Variants in FAM131C observed in about 807,000 individuals in gnomAD.
The protein encoded by FAM131C is family with sequence similarity 131 member C, also known as protein FAM131C.
In FAM131C, 14 loss-of-function variants were observed where a neutral mutation model predicts 29.8. The observed-to-expected ratio is 0.47, with a 90% CI of 0.31 to 0.73. The LOEUF is 0.73. Among genes scored for constraint, FAM131C ranks in the 30% least tolerant of loss-of-function variants. The probability of loss-of-function intolerance (pLI) is 0.05; values close to 1 mark genes in which losing one functional copy is unlikely to be tolerated. For missense variants in FAM131C, 252 were observed against 383.8 expected (o/e 0.66, Z 2.87); for synonymous variants, 86 against 157.8 (o/e 0.54, Z 3.41).
intron 1 of FAM131C, among the ~76,000 whole-genome samples, chr1:16,066,227 T>A (rs187550385): frequency 2.0e-5 from 3 of 152,352 alleles, no homozygotes; most frequent in Admixed American, 2.0e-4. Flanking sequence ...AGACTTAGTT[T>A]GCAGAAGAGA....
At position 16,073,464 on chromosome 1, in the gene FAM131C, C is replaced by A; in HGVS notation, c.-22G>T. 2 of 1,200,492 alleles carry A rather than the reference C, an allele frequency of 1.7e-6. No individual in the cohort carries two copies. The highest frequency in any genetic ancestry group is 8.3e-5 in the South Asian group (2 of 24,032). 74.4% of individuals were successfully genotyped at this position (1,200,492 alleles called of 1,614,324 possible). A position where few individuals can be genotyped will look rare whatever the true frequency, so the allele number is the denominator to read the frequency against. On this transcript the variant is annotated 5_prime_UTR_variant, in exon 1 of 7. Coordinates refer to ENST00000375662, the MANE Select transcript of FAM131C (RefSeq NM_182623.3). ...CCATCACGGGGCCGCGGGGCCGGGC[C>A]GCTGCGCCCGGGGTGCGTGGGGCCG... is the stretch of plus-strand genomic sequence containing the variant.
chr1:16,062,650 AG>A (rs1279958650), intron 2 of FAM131C, 116 bp from the exon 3 acceptor site: 1 of 1,443,110 alleles, frequency 6.9e-7, no homozygotes, highest in Admixed American at 2.6e-5. Flanking sequence ...GTGCTGTGTG[AG>A]GTTGGGGTCT....
chr1:16,069,525 A>T (rs1377476163), intron 1 of FAM131C, among the ~76,000 whole-genome samples: 1 of 152,184 alleles, frequency 6.6e-6, no homozygotes, highest in Admixed American at 6.5e-5. Context: ...GATACCCCCA[A>T]GGTGGGGCCA....
chr1:16,059,751 C>A (rs2023563784), intron 5 of FAM131C, 118 bp downstream of exon 5: 1 of 1,177,480 alleles, frequency 8.5e-7, no homozygotes, highest in Non-Finnish European at 1.2e-6. Context: ...TCACTTAATA[C>A]TCACCCACCC....
Position 16,062,233 on chromosome 1 carries a change from C to A in FAM131C, c.175-41G>T, listed in dbSNP as rs370221486. 372 of 1,588,284 alleles carry A rather than the reference C, an allele frequency of 2.3e-4. No individual in the cohort carries two copies. In the African/African-American group the frequency reaches 4.6e-3, roughly 19 times the overall value. ...GGAGGAGTGAGCAGGGTGGGCCAGG[C>A]TGCCGGCCGACATCCCTCCAGCACC... On this transcript the variant is annotated intron_variant, in intron 3 of 6. Transcript: ENST00000375662.
chr1:16,072,231 T>C (rs72887137), intron 1 of FAM131C, among the ~76,000 whole-genome samples: 1 of 152,162 alleles, frequency 6.6e-6, no homozygotes, highest in Admixed American at 6.5e-5. Flanking sequence ...ACCCTGTACC[T>C]TCCCCTTCCC....
chr1:16,072,476 C>A (rs2023762642), intron 1 of FAM131C, among the ~76,000 whole-genome samples: 1 of 152,134 alleles, frequency 6.6e-6, no homozygotes, highest in African/African-American at 2.4e-5. Flanking sequence ...GAACCAAGGC[C>A]AAAGCCACCC....
In FAM131C at chr1:16,059,551, G is replaced by T; in HGVS notation, c.505C>A (p.Leu169Met). ...TCGGGGTGCAGCTCCTCTTCGTCCAGCGAGGACCAAGCGCTCAGTGTGGCC... is the reference window on the plus strand; with the variant it reads ...TCGGGGTGCAGCTCCTCTTCGTCCATCGAGGACCAAGCGCTCAGTGTGGCC... Reference protein sequence around the residue: ...TEATLSAWSSLDEEELHPENS... With the variant: ...TEATLSAWSSMDEEELHPENS... Residue 169 changes from leucine to methionine, a missense_variant, in exon 6 of 7, where the codon CTG becomes ATG. Physicochemically the swap from Leu to Met is conservative, Grantham distance 15. Around this residue, in one of 6 missense-constraint regions of FAM131C, gnomAD observed 33 missense variants for 54.0 expected, o/e 0.61. Coordinates refer to ENST00000375662, the MANE Select transcript of FAM131C (RefSeq NM_182623.3). The T allele has an allele frequency of 6.2e-7, 1 of 1,607,604 alleles. No individual in the cohort carries two copies. The highest frequency in any genetic ancestry group is 8.5e-7 in the Non-Finnish European group (1 of 1,177,498).
chr1:16,073,515 C>G lies in FAM131C; in HGVS notation c.-73G>C. ...CGGGGCGTTCATGTCTCCGCGGGCC[C>G]GGGGCTGAGCGCTGCGGAGCCAGAG... On this transcript the variant is annotated 5_prime_UTR_variant, in exon 1 of 7. Coordinates refer to ENST00000375662, the MANE Select transcript of FAM131C (RefSeq NM_182623.3). 1.1e-6 allele frequency: 1 copy of G among 940,428 alleles called. No individual in the cohort carries two copies. The highest frequency in any genetic ancestry group is 1.4e-6 in the Non-Finnish European group (1 of 738,142). 58.3% of individuals were successfully genotyped at this position (940,428 alleles called of 1,614,324 possible). A position where few individuals can be genotyped will look rare whatever the true frequency, so the allele number is the denominator to read the frequency against.
At position 16,057,924 on chromosome 1, in the gene FAM131C, GAGAC is replaced by G. The variant is rs1430830534; in HGVS notation, c.*509_*512del. 1 of 158,194 alleles carries G rather than the reference GAGAC, an allele frequency of 6.3e-6. No individual in the cohort carries two copies. The highest frequency in any genetic ancestry group is 2.4e-5 in the African/African-American group (1 of 41,550). The allele number at this position is 158,194 out of a possible 1,614,324, so 9.8% of individuals were successfully genotyped here. Reference sequence around the variant, plus strand: ...GGGACAGACAGACAGACACTCCAGAGAGACAGATGTCCTGGGTGAAGAGAGCCGG... The same window carrying G: ...GGGACAGACAGACAGACACTCCAGAGAGATGTCCTGGGTGAAGAGAGCCGG... On this transcript the variant is annotated 3_prime_UTR_variant, in exon 7 of 7. Transcript: ENST00000375662.
intron 1 of FAM131C, among the ~76,000 whole-genome samples, chr1:16,072,259 C>T (rs764936681): frequency 6.6e-5 from 10 of 152,310 alleles, no homozygotes; most frequent in Admixed American, 2.6e-4. Context: ...GATTCCACCC[C>T]GATACCTCCC....
intron 1 of FAM131C, among the ~76,000 whole-genome samples, chr1:16,070,709 A>G (rs999405316): frequency 1.3e-5 from 2 of 152,216 alleles, no homozygotes; most frequent in Non-Finnish European, 2.9e-5. Flanking sequence ...TGTGTTGGGT[A>G]CTGGTCTGAA....
chr1:16,069,982 C>T (rs899249698), intron 1 of FAM131C, among the ~76,000 whole-genome samples: 1 of 152,096 alleles, frequency 6.6e-6, no homozygotes, highest in African/African-American at 2.4e-5. Context: ...ACAGGCTGGT[C>T]TTGAACTCGT....
intron 1 of FAM131C, among the ~76,000 whole-genome samples, chr1:16,069,583 G>A (rs1423830729): frequency 6.6e-6 from 1 of 152,220 alleles, no homozygotes; most frequent in Non-Finnish European, 1.5e-5. Flanking sequence ...CATGAGTGAG[G>A]AGGCAGAGTG....
At chr1:16,071,796 C>A (rs2023752859) in intron 1 of FAM131C, among the ~76,000 whole-genome samples, 2 of 152,206 alleles carry the variant, frequency 1.3e-5, no homozygotes, top group African/African-American at 2.4e-5. Context: ...TGGGCCCCAG[C>A]CTCTCAGGGT....
chr1:16,062,925 C>G (rs898263690), intron 2 of FAM131C, among the ~76,000 whole-genome samples: 4 of 152,138 alleles, frequency 2.6e-5, no homozygotes, highest in Non-Finnish European at 5.9e-5. Flanking sequence ...CTGAGAAGAG[C>G]TGAGTGCAGT....
intron 4 of FAM131C, among the ~76,000 whole-genome samples, chr1:16,060,974 AGTAGAGCTGTT>A (rs1557477848): frequency 6.6e-6 from 1 of 151,456 alleles, no homozygotes; most frequent in Non-Finnish European, 1.5e-5. Context: ...GGGCTTTGGG[AGTAGAGCTGTT>A]GTATGCGGAA....
At chr1:16,065,688 C>T (rs1291627178) in intron 1 of FAM131C, among the ~76,000 whole-genome samples, 1 of 152,210 alleles carries the variant, frequency 6.6e-6, no homozygotes. Context: ...AATTCCCCTT[C>T]ACTTACCCTC....
intron 1 of FAM131C, among the ~76,000 whole-genome samples, chr1:16,066,546 G>A (rs902255006): frequency 1.3e-5 from 2 of 152,218 alleles, no homozygotes; most frequent in Admixed American, 6.5e-5. Context: ...GCCCTTCAAA[G>A]GCAATGTTCA....
Sources: gnomAD v4.1 joint callset for allele counts (sites outside exome capture counted in the v4.1 genomes callset) on GRCh38, gnomAD v4.1.1 for gene constraint, gnomAD v4.1.1 regional missense constraint, MANE v1.5 for transcripts, NCBI Gene and HGNC (gene_info 2026-07-23, HGNC 2026-07-21) for gene names.